Variants in SRP72 observed in about 807,000 individuals in gnomAD.
SRP72 encodes signal recognition particle subunit SRP72.
Under a neutral mutation model 96.3 loss-of-function variants are expected in SRP72, and 49 were observed. The observed-to-expected ratio is 0.51, with a 90% CI of 0.40 to 0.65. The LOEUF (loss-of-function observed/expected upper bound fraction) is 0.65, where lower values mean the gene tolerates loss of function less well. Ranked by LOEUF, SRP72 falls within the 30% of genes least tolerant of loss-of-function variation. The pLI is 0.00. For missense variants in SRP72, 736 were observed against 793.3 expected (o/e 0.93, Z 0.87); for synonymous variants, 267 against 275.2 (o/e 0.97, Z 0.30).
At chr4:56,469,841 GT>G in intron 2 of SRP72, 68 bp downstream of exon 2, 1 of 1,362,506 alleles carries the variant, frequency 7.3e-7, no homozygotes. Flanking sequence ...TCTCTTCCAT[GT>G]TTTTTCCCAA....
At chr4:56,473,328 C>T (rs991226746) in intron 3 of SRP72, among the ~76,000 whole-genome samples, 27 of 151,966 alleles carry the variant, frequency 1.8e-4, no homozygotes, top group African/African-American at 6.0e-4. Context: ...GGTGTGGTGG[C>T]GGGCGCCTGG....
intron 5 of SRP72, among the ~76,000 whole-genome samples, chr4:56,474,867 G>A (rs1005833286): frequency 6.6e-6 from 1 of 152,156 alleles, no homozygotes; most frequent in African/African-American, 2.4e-5. Context: ...TGTATTTTCA[G>A]TAGAGATGGT....
At chr4:56,483,048 C>T in intron 8 of SRP72, 91 bp from the exon 9 acceptor site, 1 of 1,203,206 alleles carries the variant, frequency 8.3e-7, no homozygotes, top group Non-Finnish European at 1.2e-6. Flanking sequence ...TAGATTCAAG[C>T]TCTCCTGCTG....
intron 17 of SRP72, among the ~76,000 whole-genome samples, chr4:56,497,205 T>C (rs1296309401): frequency 1.3e-5 from 2 of 151,234 alleles, no homozygotes; most frequent in Non-Finnish European, 2.9e-5. Flanking sequence ...ATTTATTTTT[T>C]ATTTTATTTT....
At chr4:56,478,331 T>A in intron 6 of SRP72, 48 bp from the exon 7 acceptor site, 1 of 1,522,578 alleles carries the variant, frequency 6.6e-7, no homozygotes, top group Non-Finnish European at 8.8e-7. Flanking sequence ...GGAAAATATG[T>A]AGATCAGTTT....
intron 8 of SRP72, among the ~76,000 whole-genome samples, chr4:56,481,232 A>AT (rs1443206479): frequency 6.6e-6 from 1 of 152,102 alleles, no homozygotes; most frequent in Admixed American, 6.5e-5. Context: ...TTTATTTTAG[A>AT]TTTTTTTCGC....
chr4:56,491,353 T>TA (rs1720897905), intron 15 of SRP72, 78 bp from the exon 16 acceptor site: 2 of 1,493,988 alleles, frequency 1.3e-6, no homozygotes, highest in Non-Finnish European at 1.8e-6. Flanking sequence ...TGTCAATAGA[T>TA]ACATTGGCAA....
intron 6 of SRP72, 53 bp downstream of exon 6, chr4:56,476,755 A>G (rs1720238577): frequency 6.4e-7 from 1 of 1,559,364 alleles, no homozygotes; most frequent in African/African-American, 1.4e-5. Flanking sequence ...ACTATGATAG[A>G]TTACTGAGGC....
In SRP72 at chr4:56,502,474, TATA is replaced by T. The variant is rs1721294647; in HGVS notation, c.*614_*616del. 1 of 102,368 alleles carries T rather than the reference TATA, an allele frequency of 9.8e-6. No individual in the cohort carries two copies. Among genetic ancestry groups the T allele is most frequent in the Non-Finnish European group, 1.8e-5 (1 of 54,806 alleles). 6.3% of individuals were successfully genotyped at this position (102,368 alleles called of 1,614,324 possible). ...GGGATACTTTTCATGTTTATATATA[TATA>T]TATATGTATATATATATACATATAT... On this transcript the variant is annotated 3_prime_UTR_variant, in exon 19 of 19. Coordinates refer to ENST00000642900, the MANE Select transcript of SRP72 (RefSeq NM_006947.4).
chr4:56,498,038 AT>A (rs909243603), intron 17 of SRP72, among the ~76,000 whole-genome samples: 3 of 151,896 alleles, frequency 2.0e-5, no homozygotes, highest in East Asian at 3.9e-4. Flanking sequence ...TATATTAAGG[AT>A]TTTTTTCCAC....
Position 56,469,709 on chromosome 4 carries a change from A to G in SRP72, c.166A>G (p.Ile56Val). 1 of 1,613,014 alleles carries G rather than the reference A, an allele frequency of 6.2e-7. No homozygotes were observed. The highest frequency in any genetic ancestry group is 8.5e-7 in the Non-Finnish European group (1 of 1,179,214). The stretch of plus-strand genomic sequence containing the variant: ...CCTGCATTGTAAAGTGGTATGCCTT[A>G]TCCAGAATGGAAGTTTCAAGGAAGC... ...TALHCKVVCL[I>V]QNGSFKEALN... The change falls in exon 2 of 19, where the codon ATC (isoleucine) becomes GTC (valine). Residue 56 changes from isoleucine (I) to valine (V), a missense_variant. This residue lies in a region of SRP72 where 329 missense variants were observed against 319.0 expected (regional missense o/e 1.03). Transcript: ENST00000642900.
intron 17 of SRP72, among the ~76,000 whole-genome samples, chr4:56,498,369 C>T (rs1430042277): frequency 6.6e-6 from 1 of 152,098 alleles, no homozygotes; most frequent in Non-Finnish European, 1.5e-5. Context: ...CGGCACAAGA[C>T]AAGGATGCCC....
At chr4:56,479,334 C>G (rs1720377940) in intron 8 of SRP72, among the ~76,000 whole-genome samples, 1 of 151,984 alleles carries the variant, frequency 6.6e-6, no homozygotes, top group Admixed American at 6.6e-5. Context: ...CACCCGCCAC[C>G]ATGCCTGTCT....
At chr4:56,497,179 A>G (rs1721099898) in intron 17 of SRP72, among the ~76,000 whole-genome samples, 1 of 151,586 alleles carries the variant, frequency 6.6e-6, no homozygotes, top group Non-Finnish European at 1.5e-5. Context: ...CCAAATTAAT[A>G]GATGCACTTC....
intron 18 of SRP72, 67 bp from the exon 19 acceptor site, chr4:56,501,617 T>G: frequency 7.1e-7 from 1 of 1,405,456 alleles, no homozygotes; most frequent in Non-Finnish European, 9.8e-7. Flanking sequence ...AAAACCCATG[T>G]ACATACATTT....
At chr4:56,483,625 T>C (rs1306187295) in intron 9 of SRP72, among the ~76,000 whole-genome samples, 1 of 151,366 alleles carries the variant, frequency 6.6e-6, no homozygotes, top group Non-Finnish European at 1.5e-5. Flanking sequence ...GCTGAGATTG[T>C]GCCACTTCAC....
At chr4:56,487,834 A>G (rs1720772242) in intron 11 of SRP72, 115 bp from the exon 12 acceptor site, 3 of 725,510 alleles carry the variant, frequency 4.1e-6, no homozygotes, top group East Asian at 5.8e-5. Context: ...GTTACAAAAC[A>G]TGAGTTATGG....
chr4:56,486,129 T>TA, intron 10 of SRP72, 196 bp from the exon 11 acceptor site: 1 of 459,864 alleles, frequency 2.2e-6, no homozygotes, highest in Non-Finnish European at 4.0e-6. Context: ...TCATTGCACT[T>TA]ACTTTTAGAG....
At chr4:56,474,543 T>C (rs1578177739) in intron 5 of SRP72, 152 bp downstream of exon 5, 2 of 227,836 alleles carry the variant, frequency 8.8e-6, no homozygotes, top group Non-Finnish European at 1.5e-5. Flanking sequence ...TTTCTCTCTC[T>C]TTTTTTTTTT....
Sources: allele counts gnomAD v4.1 joint callset (sites outside exome capture counted in the v4.1 genomes callset), GRCh38; gene constraint gnomAD v4.1.1; regional missense constraint gnomAD v4.1.1; transcripts MANE v1.5; gene names NCBI Gene and HGNC (gene_info 2026-07-23, HGNC 2026-07-21).